The following CLEC16A variants were observed in gnomAD, a reference collection of about 807,000 sequenced individuals.
CLEC16A encodes C-type lectin domain containing 16A.
In CLEC16A, 51 loss-of-function variants were observed where a neutral mutation model predicts 109.5. The observed-to-expected ratio is 0.47, with a 90% confidence interval of 0.37 to 0.59. The LOEUF is 0.59. Among genes scored for constraint, CLEC16A ranks in the 20% least tolerant of loss-of-function variants. CLEC16A has a pLI of 0.00. For synonymous variants in CLEC16A, 673 were observed against 564.2 expected, an observed-to-expected ratio of 1.19 and a Z score of -2.73; for missense variants, 1,339 against 1,394.0, an observed-to-expected ratio of 0.96 and a Z score of 0.63.
intron 22 of CLEC16A, among the ~76,000 whole-genome samples, chr16:11,135,238 A>G (rs1035737469): frequency 1.3e-5 from 2 of 152,178 alleles, no homozygotes; most frequent in African/African-American, 4.8e-5. Flanking sequence ...GCTGAGTCCA[A>G]GGGGTCTCCT....
At chr16:10,948,150 C>A (rs906316321) in intron 1 of CLEC16A, among the ~76,000 whole-genome samples, 4 of 152,302 alleles carry the variant, frequency 2.6e-5, no homozygotes, top group Middle Eastern at 3.4e-3. Flanking sequence ...TCCTTGACCT[C>A]CCAAAGTGCT....
intron 19 of CLEC16A, among the ~76,000 whole-genome samples, chr16:11,074,534 G>T (rs1278880323): frequency 6.6e-6 from 1 of 152,324 alleles, no homozygotes; most frequent in East Asian, 1.9e-4. Flanking sequence ...TTGATTATTT[G>T]ATTGGTACCT....
At chr16:11,107,501 AG>A (rs1333152979) in intron 19 of CLEC16A, among the ~76,000 whole-genome samples, 3 of 152,248 alleles carry the variant, frequency 2.0e-5, no homozygotes, top group African/African-American at 7.2e-5. Context: ...TTTGACTGTC[AG>A]GAGAAGCAGC....
chr16:11,157,729 G>C, intron 22 of CLEC16A, among the ~76,000 whole-genome samples: 1 of 152,202 alleles, frequency 6.6e-6, no homozygotes, highest in East Asian at 1.9e-4. Context: ...TCGGTGTGCT[G>C]TTGCTAGACT....
chr16:11,114,479 C>T (rs2051832381), intron 19 of CLEC16A, among the ~76,000 whole-genome samples: 1 of 152,110 alleles, frequency 6.6e-6, no homozygotes, highest in African/African-American at 2.4e-5. Context: ...GGGAGGCTGC[C>T]ACATACCACG....
intron 17 of CLEC16A, chr16:11,047,584 A>G: frequency 2.9e-6 from 1 of 341,914 alleles, no homozygotes; most frequent in Non-Finnish European, 5.3e-6. Flanking sequence ...TGCTATGAAT[A>G]GTAATTTTGG....
chr16:11,036,721 G>A (rs2047046295), intron 13 of CLEC16A, among the ~76,000 whole-genome samples: 2 of 151,832 alleles, frequency 1.3e-5, no homozygotes, highest in African/African-American at 4.8e-5. Context: ...GCTAATTTTT[G>A]TATTTTTAGT....
At chr16:11,135,703 A>G (rs1343466585) in intron 22 of CLEC16A, among the ~76,000 whole-genome samples, 1 of 152,252 alleles carries the variant, frequency 6.6e-6, no homozygotes, top group Non-Finnish European at 1.5e-5. Context: ...AACAAACCCC[A>G]TATGCAATCT....
At chr16:10,956,377 T>C (rs368152912) in intron 1 of CLEC16A, among the ~76,000 whole-genome samples, 1 of 152,220 alleles carries the variant, frequency 6.6e-6, no homozygotes, top group Non-Finnish European at 1.5e-5. Flanking sequence ...TTTTTAGAGA[T>C]TGTAGATGGG....
intron 22 of CLEC16A, among the ~76,000 whole-genome samples, chr16:11,140,423 A>G (rs781749029): frequency 5.3e-5 from 8 of 152,254 alleles, no homozygotes; most frequent in Non-Finnish European, 1.0e-4. Context: ...TTTGGGGAGA[A>G]AAACGTTCTT....
intron 1 of CLEC16A, among the ~76,000 whole-genome samples, chr16:10,953,061 G>A (rs2041813481): frequency 6.6e-6 from 1 of 152,170 alleles, no homozygotes; most frequent in Admixed American, 6.5e-5. Flanking sequence ...GAGATTAAAA[G>A]GGCCAAGAAT....
intron 21 of CLEC16A, 95 bp downstream of exon 21, chr16:11,124,041 T>G: frequency 4.6e-6 from 5 of 1,095,566 alleles, no homozygotes; most frequent in Non-Finnish European, 6.6e-6. Context: ...CCCCATAGCA[T>G]AGAAGAAGAC....
intron 19 of CLEC16A, among the ~76,000 whole-genome samples, chr16:11,075,296 G>A (rs548788747): frequency 1.3e-5 from 2 of 152,032 alleles, no homozygotes; most frequent in African/African-American, 4.8e-5. Flanking sequence ...TCTGGGTGCA[G>A]CTGCACCAGA....
At chr16:11,060,881 C>T (rs764700889) in intron 18 of CLEC16A, 21 bp from the exon 19 acceptor site, 3 of 1,591,304 alleles carry the variant, frequency 1.9e-6, no homozygotes, top group Admixed American at 3.4e-5. Flanking sequence ...CTCTTCTCTG[C>T]TCTCTGAACT....
intron 13 of CLEC16A, chr16:11,027,670 A>G: frequency 1.9e-6 from 3 of 1,563,846 alleles, no homozygotes; most frequent in Non-Finnish European, 2.6e-6. Context: ...GTGGCCCATC[A>G]TGCTACCAAA....
In CLEC16A at chr16:10,977,156, G is replaced by A. The variant is rs974768621; in HGVS notation, c.729-69G>A. 20 of 1,433,788 alleles carry A rather than the reference G, an allele frequency of 1.4e-5. No homozygotes were observed. In the African/African-American group the frequency reaches 2.7e-4, roughly 19 times the overall value. The allele number at this position is 1,433,788 out of a possible 1,614,324, so 88.8% of individuals were successfully genotyped here. On this transcript the variant is annotated intron_variant, in intron 7 of 23. Coordinates refer to ENST00000409790, the MANE Select transcript of CLEC16A (RefSeq NM_015226.3). ...GAACTCACAGTGACCTAAGTCTCAG[G>A]CCATTGATGTTAGGCTCAAAGGCTC... is the stretch of plus-strand genomic sequence containing the variant.
At chr16:11,146,729 G>C (rs553229768) in intron 22 of CLEC16A, among the ~76,000 whole-genome samples, 2 of 147,176 alleles carry the variant, frequency 1.4e-5, no homozygotes, top group Non-Finnish European at 3.0e-5. Flanking sequence ...GATGGATAGA[G>C]GTGCAGGAAT....
At position 10,961,443 on chromosome 16, in the gene CLEC16A, A is replaced by C. The variant is rs1393700105; in HGVS notation, c.210-1012A>C. Among the ~76,000 whole-genome samples the C allele has an allele frequency of 6.6e-6, 1 of 152,166 alleles. No individual in the cohort carries two copies. Among genetic ancestry groups the C allele is most frequent in the Non-Finnish European group, 1.5e-5 (1 of 68,034 alleles). ...CCGCAGGCACACCTCATTTCTTCCA[A>C]GTGTCCCAGATGCAAGATTATCTGG... On this transcript the variant is annotated intron_variant, in intron 2 of 23. Transcript: ENST00000409790. This position sits in a 1 kb window ranked among gnomAD's most constrained non-coding sequence, Gnocchi z 4.3.
chr16:11,114,192 C>T lies in CLEC16A; in HGVS notation c.2117-6423C>T, dbSNP rs533942854. Among the ~76,000 whole-genome samples, 185 of 145,928 alleles carry T rather than the reference C, an allele frequency of 1.3e-3. 1 individual carries two copies. Among genetic ancestry groups the T allele is most frequent in the African/African-American group, 4.6e-3 (178 of 38,474 alleles). On this transcript the variant is annotated intron_variant, in intron 19 of 23. Transcript: ENST00000409790. ...GTGTGTGTGTGTTTATTGGCAATCC[C>T]CATTCCTGGCTGCCCCCTTCCCCTC...
Sources: allele counts gnomAD v4.1 joint callset (sites outside exome capture counted in the v4.1 genomes callset), GRCh38; gene constraint gnomAD v4.1.1; non-coding constraint Gnocchi (gnomAD v3.1); transcripts MANE v1.5; gene names NCBI Gene and HGNC (gene_info 2026-07-23, HGNC 2026-07-21).